The following ATP13A5 variants were observed in gnomAD, a reference collection of about 807,000 sequenced individuals.
ATP13A5 encodes probable cation-transporting ATPase 13A5.
Under a neutral mutation model 150.2 loss-of-function variants are expected in ATP13A5, and 149 were observed. That is an observed-to-expected ratio of 0.99 (90% CI 0.87 to 1.14). The LOEUF is 1.14. Ranked by LOEUF, ATP13A5 falls within the 50% of genes most tolerant of loss-of-function variation. The probability of loss-of-function intolerance (pLI) is 0.00; values close to 1 mark genes in which losing one functional copy is unlikely to be tolerated. For missense variants in ATP13A5, 1,383 were observed against 1,449.3 expected (o/e 0.95, Z 0.74); for synonymous variants, 497 against 522.2 (o/e 0.95, Z 0.66).
In ATP13A5 at chr3:193,289,833, T is replaced by G; in HGVS notation, c.3023+52A>C. 2.0e-6 allele frequency: 3 copies of G among 1,500,448 alleles called. No homozygotes were observed. In the South Asian group the frequency reaches 4.1e-5, roughly 20 times the overall value. 92.9% of individuals were successfully genotyped at this position (1,500,448 alleles called of 1,614,324 possible). A position where few individuals can be genotyped will look rare whatever the true frequency, so the allele number is the denominator to read the frequency against. ...TTCAAGCCAAGTTATGCAATGTCAT[T>G]GGATATTTATTAAATTACCTTTCGA... is the stretch of plus-strand genomic sequence containing the variant. On this transcript the variant is annotated intron_variant, in intron 26 of 29. Coordinates refer to ENST00000342358, the MANE Select transcript of ATP13A5 (RefSeq NM_198505.4).
intron 5 of ATP13A5, among the ~76,000 whole-genome samples, chr3:193,360,967 G>A (rs1039874899): frequency 6.6e-6 from 1 of 152,174 alleles, no homozygotes; most frequent in African/African-American, 2.4e-5. Flanking sequence ...GTGAGCCACT[G>A]CGCCCAGTCA....
intron 3 of ATP13A5, among the ~76,000 whole-genome samples, chr3:193,362,882 C>T (rs1713089603): frequency 6.6e-6 from 1 of 152,010 alleles, no homozygotes. Flanking sequence ...GTAGCCTTGA[C>T]CTCCCAGGTT....
chr3:193,310,508 C>T, intron 21 of ATP13A5, 130 bp downstream of exon 21: 2 of 666,350 alleles, frequency 3.0e-6, no homozygotes, highest in Non-Finnish European at 5.0e-6. Flanking sequence ...GTTCCCTTTT[C>T]TCTGCAATCT....
At chr3:193,276,726 G>GA (rs1340575419) in intron 29 of ATP13A5, 24 bp downstream of exon 29, 1 of 1,520,132 alleles carries the variant, frequency 6.6e-7, no homozygotes, top group South Asian at 1.2e-5. Context: ...TATCTTCCTA[G>GA]AAAAAATATA....
At chr3:193,279,976 T>TA (rs57617984) in intron 27 of ATP13A5, among the ~76,000 whole-genome samples, 4,647 of 59,858 alleles carry the variant, frequency 0.078, 1,005 homozygotes, top group African/African-American at 0.089. Context: ...GTGTCTTTGT[T>TA]AAAAAAAAAA....
At chr3:193,321,859 G>A (rs754229598) in intron 15 of ATP13A5, 22 bp from the exon 16 acceptor site, 1 of 1,608,876 alleles carries the variant, frequency 6.2e-7, no homozygotes, top group South Asian at 1.1e-5. Context: ...TCAACAACAG[G>A]GAGCTTAACA....
At chr3:193,370,714 T>G (rs899672098) in intron 1 of ATP13A5, among the ~76,000 whole-genome samples, 13 of 152,216 alleles carry the variant, frequency 8.5e-5, no homozygotes, top group Admixed American at 4.6e-4. Flanking sequence ...GTGTATTTGA[T>G]GATAAAATCC....
At chr3:193,344,555 C>T (rs953378613) in intron 8 of ATP13A5, among the ~76,000 whole-genome samples, 1 of 152,194 alleles carries the variant, frequency 6.6e-6, no homozygotes, top group African/African-American at 2.4e-5. Context: ...AAGCCCCATT[C>T]AGGCCCAGGT....
At chr3:193,290,703 G>A (rs1031531891) in intron 25 of ATP13A5, among the ~76,000 whole-genome samples, 6 of 152,038 alleles carry the variant, frequency 3.9e-5, no homozygotes, top group Non-Finnish European at 8.8e-5. Context: ...AAACTATATT[G>A]TATTTTTGAT....
In ATP13A5 at chr3:193,295,875, T is replaced by C. The variant is rs1315417900; in HGVS notation, c.2848+3256A>G. ...TTAAAGGCAATTGTTAGGAGCAATGTAAACTGGTTTTCTTCTCAGCATCAC... is the reference window on the plus strand; with the variant it reads ...TTAAAGGCAATTGTTAGGAGCAATGCAAACTGGTTTTCTTCTCAGCATCAC... On this transcript the variant is annotated intron_variant, in intron 25 of 29. Transcript: ENST00000342358. Among the ~76,000 whole-genome samples the C allele has an allele frequency of 2.6e-5, 4 of 152,278 alleles. No homozygotes were observed. In the East Asian group the frequency reaches 7.7e-4, roughly 29 times the overall value.
intron 5 of ATP13A5, among the ~76,000 whole-genome samples, chr3:193,358,988 G>T (rs563419898): frequency 6.6e-6 from 1 of 152,080 alleles, no homozygotes. Flanking sequence ...CCATAGAACC[G>T]TGGATCTGAT....
chr3:193,352,622 G>A (rs1427609437), intron 6 of ATP13A5, among the ~76,000 whole-genome samples: 1 of 152,062 alleles, frequency 6.6e-6, no homozygotes, highest in Non-Finnish European at 1.5e-5. Context: ...CGTTTAAAAA[G>A]CTGCCTACTT....
Position 193,335,033 on chromosome 3 carries a change from T to G in ATP13A5, c.1010A>C (p.His337Pro). 1 of 1,613,970 alleles carries G rather than the reference T, an allele frequency of 6.2e-7. No individual in the cohort carries two copies. Among genetic ancestry groups the G allele is most frequent in the East Asian group, 2.2e-5 (1 of 44,880 alleles). ...QMENTMPWKC[H>P]SLEDYRKHVL... is the part of the protein sequence containing the mutation. ...GTGTTTCCTATAATCCTCCAAACTG[T>G]GACATTTCCAAGGCATAGTGTTCTC... is the stretch of plus-strand genomic sequence containing the variant. Residue 337 changes from histidine (H) to proline (P), a missense_variant, in exon 10 of 30, where the codon CAC becomes CCC. His to Pro is a moderately conservative substitution (Grantham distance 77, BLOSUM62 -2). Coordinates refer to ENST00000342358, the MANE Select transcript of ATP13A5 (RefSeq NM_198505.4).
At chr3:193,307,454 G>A in intron 21 of ATP13A5, 85 bp from the exon 22 acceptor site, 1 of 1,510,488 alleles carries the variant, frequency 6.6e-7, no homozygotes. Context: ...TAAGTCACAT[G>A]TGATTTGTGT....
At chr3:193,300,632 T>A (rs1718362101) in intron 24 of ATP13A5, among the ~76,000 whole-genome samples, 1 of 152,240 alleles carries the variant, frequency 6.6e-6, no homozygotes, top group African/African-American at 2.4e-5. Context: ...TTTTAGCTTA[T>A]ACATAGTTCT....
chr3:193,276,272 C>A (rs1717195975), intron 29 of ATP13A5, among the ~76,000 whole-genome samples: 1 of 152,168 alleles, frequency 6.6e-6, no homozygotes, highest in Non-Finnish European at 1.5e-5. Flanking sequence ...TGGGTAAAGT[C>A]ATTTAGTGAC....
intron 26 of ATP13A5, among the ~76,000 whole-genome samples, 175 bp downstream of exon 26, chr3:193,289,710 C>A (rs1205272559): frequency 6.6e-6 from 1 of 152,130 alleles, no homozygotes; most frequent in Non-Finnish European, 1.5e-5. Flanking sequence ...TCTTCCCACC[C>A]ACTCCACCCC....
intron 21 of ATP13A5, among the ~76,000 whole-genome samples, chr3:193,307,859 T>C (rs573364831): frequency 6.6e-6 from 1 of 152,352 alleles, no homozygotes; most frequent in South Asian, 2.1e-4. Flanking sequence ...TTTTGATGCA[T>C]GTCAGGGTGA....
intron 13 of ATP13A5, 141 bp downstream of exon 13, chr3:193,326,855 T>C: frequency 1.4e-6 from 1 of 713,584 alleles, no homozygotes; most frequent in Non-Finnish European, 2.4e-6. Context: ...TTAAGCAAGT[T>C]AGAATAATTA....
Sources: gnomAD v4.1 joint callset for allele counts (sites outside exome capture counted in the v4.1 genomes callset) on GRCh38, gnomAD v4.1.1 for gene constraint, MANE v1.5 for transcripts, NCBI Gene and HGNC (gene_info 2026-07-23, HGNC 2026-07-21) for gene names.